The following MYCT1 variants were observed in gnomAD, a reference collection of about 807,000 sequenced individuals.
The protein encoded by MYCT1 is myc target protein 1.
Under a neutral mutation model 15.0 loss-of-function variants are expected in MYCT1, and 12 were observed. The observed-to-expected ratio is 0.80, with a 90% CI of 0.51 to 1.29. The LOEUF (loss-of-function observed/expected upper bound fraction) is 1.29. Among genes scored for constraint, MYCT1 ranks in the 50% most tolerant of loss-of-function variants. The probability of loss-of-function intolerance (pLI) is 0.00; values close to 1 mark genes in which losing one functional copy is unlikely to be tolerated. For missense variants in MYCT1, 287 were observed against 279.1 expected (o/e 1.03, Z -0.20); for synonymous variants, 104 against 102.7 (o/e 1.01, Z -0.07).
At chr6:152,724,631 G>A (rs1484024955), downstream of MYCT1, 1 of 152,036 alleles carries the variant, frequency 6.6e-6, no homozygotes, top group Admixed American at 6.5e-5. Flanking sequence ...AAGGAGTCAA[G>A]AAATTATAAA....
chr6:152,717,702 T>C (rs2185390), intron 1 of MYCT1, among the ~76,000 whole-genome samples: 88,656 of 151,852 alleles, frequency 0.58, 27,048 homozygotes, highest in East Asian at 0.72. Flanking sequence ...CTTTCTTTTG[T>C]AAATTGCCCA....
chr6:152,735,372 A>T, the MYCT1 span, among the ~76,000 whole-genome samples: 1 of 152,172 alleles, frequency 6.6e-6, no homozygotes, highest in East Asian at 1.9e-4. Context: ...ATAATAAATA[A>T]GATCTTATTT....
the MYCT1 span, among the ~76,000 whole-genome samples, chr6:152,738,417 G>A: frequency 1.5e-4 from 23 of 151,856 alleles, no homozygotes; most frequent in Non-Finnish European, 2.7e-4. Context: ...TAATATTGTC[G>A]TTTTTATCTT....
the MYCT1 span, among the ~76,000 whole-genome samples, chr6:152,741,495 G>A: frequency 1.3e-5 from 2 of 152,034 alleles, no homozygotes; most frequent in African/African-American, 4.8e-5. Flanking sequence ...GGGATATAAT[G>A]ATACATAAGA....
At chr6:152,716,734 G>T (rs535331471) in intron 1 of MYCT1, among the ~76,000 whole-genome samples, 41 of 152,240 alleles carry the variant, frequency 2.7e-4, no homozygotes, top group African/African-American at 9.4e-4. Context: ...TGCTAGTTTT[G>T]TAGGTACGTA....
chr6:152,737,806 T>C, the MYCT1 span, among the ~76,000 whole-genome samples: 2 of 152,168 alleles, frequency 1.3e-5, no homozygotes, highest in Non-Finnish European at 2.9e-5. Context: ...GAGCAGCTAA[T>C]ATAATAGCTG....
the MYCT1 span, among the ~76,000 whole-genome samples, chr6:152,740,093 C>G: frequency 1.3e-5 from 2 of 152,120 alleles, no homozygotes; most frequent in Non-Finnish European, 2.9e-5. Flanking sequence ...GTTGCCCAGG[C>G]TGGAGTGCAA....
downstream of MYCT1, among the ~76,000 whole-genome samples, chr6:152,728,467 C>T (rs1052972577): frequency 6.6e-5 from 10 of 151,722 alleles, no homozygotes; most frequent in African/African-American, 2.4e-4. Flanking sequence ...AAAGAGCTCA[C>T]AGGATCAATG....
At chr6:152,704,384 C>A (rs955001333) in intron 1 of MYCT1, among the ~76,000 whole-genome samples, 5 of 152,112 alleles carry the variant, frequency 3.3e-5, no homozygotes, top group Admixed American at 2.0e-4. Context: ...CTGAGATCTC[C>A]ATTCTGTGTC....
At chr6:152,720,853 G>A (rs2099724574) in intron 1 of MYCT1, among the ~76,000 whole-genome samples, 1 of 152,116 alleles carries the variant, frequency 6.6e-6, no homozygotes, top group South Asian at 2.1e-4. Context: ...TTGCAAAGTG[G>A]TGTGGTGAGG....
At position 152,721,846 on chromosome 6, in the gene MYCT1, G is replaced by T. The variant is rs369178298; in HGVS notation, c.301G>T (p.Ala101Ser). ...TCTGTCTCGAAGAAGAAGAGCCAGT[G>T]CTCCCATCTCACAGTGGAGTTCAAG... Reference protein sequence around the residue: ...ICLSRRRRASAPISQWSSSRR... With the variant: ...ICLSRRRRASSPISQWSSSRR... The change falls in exon 2 of 2, where the codon GCT (alanine) becomes TCT (serine). Residue 101 changes from alanine (A) to serine (S), a missense_variant. By Grantham distance (99) the Ala-to-Ser change is moderately conservative. Coordinates refer to ENST00000367245, the MANE Select transcript of MYCT1 (RefSeq NM_025107.3). The T allele has an allele frequency of 1.7e-5, 27 of 1,613,928 alleles. No homozygotes were observed. The highest frequency in any genetic ancestry group is 6.7e-5 in the Admixed American group (4 of 59,980).
At chr6:152,743,990 G>A in the MYCT1 span, among the ~76,000 whole-genome samples, 1 of 152,140 alleles carries the variant, frequency 6.6e-6, no homozygotes, top group Non-Finnish European at 1.5e-5. Flanking sequence ...TGAGGGCCAG[G>A]CGCCAGCAGC....
the MYCT1 span, among the ~76,000 whole-genome samples, chr6:152,740,094 T>G: frequency 1.3e-5 from 2 of 152,206 alleles, no homozygotes; most frequent in Non-Finnish European, 2.9e-5. Flanking sequence ...TTGCCCAGGC[T>G]GGAGTGCAAT....
downstream of MYCT1, among the ~76,000 whole-genome samples, chr6:152,728,247 A>G (rs1287572084): frequency 6.6e-6 from 1 of 152,144 alleles, no homozygotes; most frequent in Non-Finnish European, 1.5e-5. Context: ...TGAAACTTAA[A>G]TTAGATTACT....
chr6:152,716,721 A>G (rs567718425), intron 1 of MYCT1, among the ~76,000 whole-genome samples: 7 of 152,316 alleles, frequency 4.6e-5, no homozygotes, highest in African/African-American at 1.7e-4. Flanking sequence ...TGTGCCATCT[A>G]CTTGCTAGTT....
intron 1 of MYCT1, among the ~76,000 whole-genome samples, chr6:152,721,336 A>G (rs2099724658): frequency 6.6e-6 from 1 of 152,250 alleles, no homozygotes; most frequent in South Asian, 2.1e-4. Flanking sequence ...AAGTGATGAC[A>G]AAATTCTTTA....
At position 152,721,999 on chromosome 6, in the gene MYCT1, C is replaced by G; in HGVS notation, c.454C>G (p.Gln152Glu). 6.2e-7 allele frequency: 1 copy of G among 1,614,188 alleles called. No homozygotes were observed. The highest frequency in any genetic ancestry group is 1.1e-5 in the South Asian group (1 of 91,078). ...CTTCCAGCGACAAGCTTCCCTGGAACAAGCAAATTCCTTTCCAAGAAAATC... is the reference window on the plus strand; with the variant it reads ...CTTCCAGCGACAAGCTTCCCTGGAAGAAGCAAATTCCTTTCCAAGAAAATC... The part of the protein sequence containing the change: ...LTFQRQASLE[Q>E]ANSFPRKSSF... The change falls in exon 2 of 2, where the codon CAA becomes GAA. Residue 152 changes from glutamine (Q) to glutamate (E), a missense_variant. Transcript: ENST00000367245.
At chr6:152,721,028 A>G (rs998181100) in intron 1 of MYCT1, among the ~76,000 whole-genome samples, 5 of 152,204 alleles carry the variant, frequency 3.3e-5, no homozygotes, top group Admixed American at 2.0e-4. Flanking sequence ...CCGAGGCTCT[A>G]TGGAGGTTCA....
At chr6:152,704,132 G>T (rs2099721838) in intron 1 of MYCT1, among the ~76,000 whole-genome samples, 1 of 151,952 alleles carries the variant, frequency 6.6e-6, no homozygotes, top group Admixed American at 6.6e-5. Context: ...ACATAGCTGG[G>T]ACTACAGGTG....
Sources: allele counts gnomAD v4.1 joint callset (sites outside exome capture counted in the v4.1 genomes callset), GRCh38; gene constraint gnomAD v4.1.1; transcripts MANE v1.5; gene names NCBI Gene and HGNC (gene_info 2026-07-23, HGNC 2026-07-21).